The following FBXO11 variants were observed in gnomAD, a reference collection of about 807,000 sequenced individuals.
FBXO11 encodes the protein F-box only protein 11.
A neutral mutation model predicts 117.0 loss-of-function variants in FBXO11; 13 were observed. The ratio of observed to expected loss-of-function variants is 0.11; its 90% CI spans 0.07 to 0.18. FBXO11 has a LOEUF of 0.18. FBXO11 is among the 10% of genes least tolerant of loss of function. The pLI is 1.00. For missense variants in FBXO11, 767 were observed against 1,164.4 expected (o/e 0.66, Z 4.97); for synonymous variants, 490 against 380.5 (o/e 1.29, Z -3.35).
rs56028151 is a variant in FBXO11 at position 47,828,496 on chromosome 2, T to C, written c.1398+3853A>G. 4.6e-5 allele frequency among the ~76,000 whole-genome samples: 7 copies of C among 152,056 alleles called. 1 individual carries two copies. The highest frequency in any genetic ancestry group is 7.4e-5 in the Non-Finnish European group (5 of 67,984). The stretch of plus-strand genomic sequence containing the variant: ...GCTGGCAGGCATCTGTACTCCCACC[T>C]ACTCGGGAGACTGAGACACAAGAAT... On this transcript the variant is annotated intron_variant, in intron 11 of 22. Coordinates refer to ENST00000403359, the MANE Select transcript of FBXO11 (RefSeq NM_001190274.2).
At position 47,823,356 on chromosome 2, in the gene FBXO11, T is replaced by C; in HGVS notation, c.1403A>G (p.Tyr468Cys). 1.9e-6 allele frequency: 3 copies of C among 1,595,206 alleles called. No homozygotes were observed. The highest frequency in any genetic ancestry group is 2.6e-6 in the Non-Finnish European group (3 of 1,170,126). The part of the protein sequence containing the change: ...GVFTFDHGMG[Y>C]FESCNIHRNR... The stretch of plus-strand genomic sequence containing the variant: ...TCTGTGTATATTGCAACTTTCAAAG[T>C]AACCCTGAAAAATACAGAAATTAAA... Residue 468 changes from tyrosine (Y) to cysteine (C), a missense_variant, in exon 12 of 23, where the codon TAC (tyrosine) becomes TGC (cysteine). Tyr to Cys is a radical substitution (Grantham distance 194, BLOSUM62 -2). This residue lies in a region of FBXO11 where 67 missense variants were observed against 148.8 expected (regional missense o/e 0.45). Coordinates refer to ENST00000403359, the MANE Select transcript of FBXO11 (RefSeq NM_001190274.2).
chr2:47,867,947 T>C (rs1021553778), intron 1 of FBXO11, among the ~76,000 whole-genome samples: 1 of 152,180 alleles, frequency 6.6e-6, no homozygotes, highest in Non-Finnish European at 1.5e-5. Context: ...TCTCTGAATA[T>C]GGGCCAAACA....
Position 47,807,669 on chromosome 2 carries a change from A to T in FBXO11, c.*449T>A, listed in dbSNP as rs1670317937. ...TATTTCTCAATCTGAATACATGTTA[A>T]AAAAAAAAAATCAAAAGGAACGCAG... On this transcript the variant is annotated 3_prime_UTR_variant, in exon 23 of 23. Coordinates refer to ENST00000403359, the MANE Select transcript of FBXO11 (RefSeq NM_001190274.2). The T allele has an allele frequency of 5.2e-5, 3 of 57,406 alleles. No homozygotes were observed. The highest frequency in any genetic ancestry group is 1.4e-4 in the African/African-American group (1 of 7,246). The allele number at this position is 57,406 out of a possible 1,614,324, so 3.6% of individuals were successfully genotyped here.
At chr2:47,894,094 G>C (rs982301280) in intron 1 of FBXO11, among the ~76,000 whole-genome samples, 1 of 152,212 alleles carries the variant, frequency 6.6e-6, no homozygotes. Flanking sequence ...CATTCTCAGG[G>C]GATACTTGTA....
At position 47,808,430 on chromosome 2, in the gene FBXO11, A is replaced by G. The variant is rs1314520027; in HGVS notation, c.2556-3T>C. The G allele has an allele frequency of 1.9e-6, 3 of 1,579,220 alleles. No individual in the cohort carries two copies. The highest frequency in any genetic ancestry group is 2.6e-6 in the Non-Finnish European group (3 of 1,167,398). On this transcript the variant is annotated splice_region_variant and splice_polypyrimidine_tract_variant and intron_variant, in intron 21 of 22. Transcript: ENST00000403359. ...CTGTGGTGTTACAAGTATGACATCT[A>G]AAAAGCAAAAGCTTAAATTACTTTT... is the stretch of plus-strand genomic sequence containing the variant.
At chr2:47,820,153 T>C (rs541660932) in intron 14 of FBXO11, among the ~76,000 whole-genome samples, 32 of 152,278 alleles carry the variant, frequency 2.1e-4, no homozygotes, top group Middle Eastern at 6.8e-3. Context: ...GCTGAGTAAA[T>C]TTTACATAAT....
At chr2:47,856,861 C>CA (rs1674336503) in intron 1 of FBXO11, among the ~76,000 whole-genome samples, 1 of 152,116 alleles carries the variant, frequency 6.6e-6, no homozygotes, top group Non-Finnish European at 1.5e-5. Flanking sequence ...TGTCGTAATA[C>CA]AAAGGACGGA....
At chr2:47,817,698 T>C (rs770992778) in intron 16 of FBXO11, among the ~76,000 whole-genome samples, 1 of 152,298 alleles carries the variant, frequency 6.6e-6, no homozygotes, top group East Asian at 1.9e-4. Context: ...TTCGATACTG[T>C]TGTGTCTCAG....
At position 47,905,606 on chromosome 2, in the gene FBXO11, G is replaced by C; in HGVS notation, c.115C>G (p.Gln39Glu). Residue 39 changes from glutamine (Q) to glutamate (E), a missense_variant, in exon 1 of 23, where the codon CAG (glutamine) becomes GAG (glutamate). Gln to Glu is a conservative substitution (Grantham distance 29, BLOSUM62 2). This residue lies in a region of FBXO11 where 355 missense variants were observed against 299.8 expected (regional missense o/e 1.18). Transcript: ENST00000403359. ...QQPPPQPPQQQPPQQQPPPPP... is the reference protein window; with the variant it reads ...QQPPPQPPQQEPPQQQPPPPP... ...GGCGGAGGCTGCTGCTGGGGCGGCT[G>C]CTGCTGGGGCGGCTGCGGCGGCGGC... The C allele has an allele frequency of 7.6e-7, 1 of 1,318,866 alleles. No individual in the cohort carries two copies. Among genetic ancestry groups the C allele is most frequent in the Non-Finnish European group, 9.7e-7 (1 of 1,036,136 alleles). 81.7% of individuals were successfully genotyped at this position (1,318,866 alleles called of 1,614,324 possible).
intron 1 of FBXO11, among the ~76,000 whole-genome samples, chr2:47,860,814 GAA>G (rs56054034): frequency 0.013 from 1,769 of 138,694 alleles, 27 homozygotes; most frequent in African/African-American, 0.042. Flanking sequence ...TGGAAAATAG[GAA>G]AAAAAAAAAA....
chr2:47,870,115 C>T (rs1473107054), intron 1 of FBXO11, among the ~76,000 whole-genome samples: 1 of 152,228 alleles, frequency 6.6e-6, no homozygotes, highest in African/African-American at 2.4e-5. Flanking sequence ...CAACTGCCTT[C>T]GGTGTTCATC....
At chr2:47,903,512 T>G (rs987784006) in intron 1 of FBXO11, among the ~76,000 whole-genome samples, 1 of 152,164 alleles carries the variant, frequency 6.6e-6, no homozygotes, top group African/African-American at 2.4e-5. Context: ...GAAATGAAAA[T>G]AGACCTCAGT....
intron 1 of FBXO11, among the ~76,000 whole-genome samples, chr2:47,862,766 C>T (rs939244143): frequency 3.0e-4 from 45 of 152,156 alleles, no homozygotes; most frequent in Middle Eastern, 3.4e-3. Flanking sequence ...GCTTCAAAAA[C>T]GTTTTCAGCC....
At position 47,890,340 on chromosome 2, in the gene FBXO11, T is replaced by C. The variant is rs542152207; in HGVS notation, c.232+15149A>G. On this transcript the variant is annotated intron_variant, in intron 1 of 22. Transcript: ENST00000403359. ...CTAGAAATAATATAGTCAATTATCA[T>C]CCTAAAGTTGCTGTGAATAAAAATA... is the stretch of plus-strand genomic sequence containing the variant. Among the ~76,000 whole-genome samples the C allele has an allele frequency of 3.3e-5, 5 of 152,252 alleles. No individual in the cohort carries two copies. In the East Asian group the frequency reaches 9.6e-4, roughly 29 times the overall value.
intron 11 of FBXO11, among the ~76,000 whole-genome samples, chr2:47,826,202 G>A (rs1290485494): frequency 1.3e-5 from 2 of 151,862 alleles, no homozygotes; most frequent in Admixed American, 1.3e-4. Context: ...GGGACTACAG[G>A]TGCCGCCACC....
At chr2:47,893,280 GCAAA>G (rs1677400602) in intron 1 of FBXO11, among the ~76,000 whole-genome samples, 1 of 152,118 alleles carries the variant, frequency 6.6e-6, no homozygotes, top group Non-Finnish European at 1.5e-5. Context: ...TGCTGGTCTT[GCAAA>G]CAGTCTACGG....
chr2:47,820,515 A>T, intron 13 of FBXO11, 59 bp from the exon 14 acceptor site: 1 of 1,305,146 alleles, frequency 7.7e-7, no homozygotes, highest in East Asian at 2.3e-5. Flanking sequence ...TACAGTAAGG[A>T]TTTTACATTA....
At chr2:47,885,050 T>C (rs563233115) in intron 1 of FBXO11, among the ~76,000 whole-genome samples, 165 of 152,334 alleles carry the variant, frequency 1.1e-3, no homozygotes, top group African/African-American at 3.7e-3. Context: ...GTGAATAAGA[T>C]GAACTTACTA....
chr2:47,839,606 C>CA, intron 2 of FBXO11, 36 bp downstream of exon 2: 1 of 1,605,662 alleles, frequency 6.2e-7, no homozygotes, highest in East Asian at 2.2e-5. Flanking sequence ...AAAATTCTTT[C>CA]ATTACAAAAA....
Sources: allele counts gnomAD v4.1 joint callset (sites outside exome capture counted in the v4.1 genomes callset), GRCh38; gene constraint gnomAD v4.1.1; regional missense constraint gnomAD v4.1.1; transcripts MANE v1.5; gene names NCBI Gene and HGNC (gene_info 2026-07-23, HGNC 2026-07-21).